Variants in GOLGB1 observed in about 807,000 individuals in gnomAD.
The protein encoded by GOLGB1 is golgin B1.
In GOLGB1, 174 loss-of-function variants were observed where a neutral mutation model predicts 336.9. The ratio of observed to expected loss-of-function variants is 0.52; its 90% confidence interval spans 0.46 to 0.59. The LOEUF (loss-of-function observed/expected upper bound fraction) is 0.59. GOLGB1 is among the 20% of genes least tolerant of loss of function. The pLI, the probability that GOLGB1 is intolerant of heterozygous loss-of-function variation, is 0.00. For synonymous variants in GOLGB1, 1,208 were observed against 1,289.2 expected (o/e 0.94, Z 1.35); for missense variants, 3,331 against 3,645.3 (o/e 0.91, Z 2.22).
chr3:121,692,131 A>C lies in GOLGB1; in HGVS notation c.7233T>G (p.His2411Gln). 1 of 1,613,208 alleles carries C rather than the reference A, an allele frequency of 6.2e-7. No homozygotes were observed. The highest frequency in any genetic ancestry group is 8.5e-7 in the Non-Finnish European group (1 of 1,179,592). ...QVAIAELRQQHDKEIKELENL... is the reference protein window; with the variant it reads ...QVAIAELRQQQDKEIKELENL... ...TTTCCAGCTCTTTAATTTCTTTATCATGTTGCTGACGCAGTTCAGCAATAG... is the reference window on the plus strand; with the variant it reads ...TTTCCAGCTCTTTAATTTCTTTATCCTGTTGCTGACGCAGTTCAGCAATAG... Residue 2411 changes from histidine (H) to glutamine (Q), a missense_variant, in exon 14 of 22, where the codon CAT becomes CAG. Coordinates refer to ENST00000614479, the MANE Select transcript of GOLGB1 (RefSeq NM_001366282.2).
At chr3:121,746,434 CT>C (rs759494342) in intron 1 of GOLGB1, among the ~76,000 whole-genome samples, 3 of 151,636 alleles carry the variant, frequency 2.0e-5, no homozygotes, top group Non-Finnish European at 4.4e-5. Flanking sequence ...ACATAACTTA[CT>C]TTTCGTTATT....
At chr3:121,674,202 C>T (rs1031582946) in intron 17 of GOLGB1, among the ~76,000 whole-genome samples, 4 of 151,722 alleles carry the variant, frequency 2.6e-5, no homozygotes, top group Admixed American at 1.3e-4. Flanking sequence ...GCAAAAAAGG[C>T]TAATTTGACC....
At position 121,697,337 on chromosome 3, in the gene GOLGB1, T is replaced by A. The variant is rs750135263; in HGVS notation, c.3186A>T (p.Glu1062Asp). 3 of 1,613,660 alleles carry A rather than the reference T, an allele frequency of 1.9e-6. No homozygotes were observed. In the Admixed American group the frequency reaches 5.0e-5, roughly 27 times the overall value. Reference sequence around the variant, plus strand: ...TTGTCTGTTTTAAATAAATTTCTATTTCTTGGCACTTAGAAGTCACACATT... The same window carrying A: ...TTGTCTGTTTTAAATAAATTTCTATATCTTGGCACTTAGAAGTCACACATT... ...SEKCVTSKCQ[E>D]IEIYLKQTIS... The change falls in exon 13 of 22, where the codon GAA (glutamate) becomes GAT (aspartate). Residue 1062 changes from glutamate (E) to aspartate (D), a missense_variant. Coordinates refer to ENST00000614479, the MANE Select transcript of GOLGB1 (RefSeq NM_001366282.2).
Position 121,691,646 on chromosome 3 carries a change from T to G in GOLGB1, c.7718A>C (p.Lys2573Thr). The change falls in exon 14 of 22, where the codon AAA becomes ACA. Residue 2573 changes from lysine to threonine, a missense_variant. Transcript: ENST00000614479. ...QLQQNKELEN[K>T]YAKLEEKLKE... ...CAGCTTTTCTTCTAATTTAGCATAT[T>G]TATTTTCCAGCTCCTTATTTTGCTG... The G allele has an allele frequency of 6.2e-7, 1 of 1,613,136 alleles. No individual in the cohort carries two copies. Among genetic ancestry groups the G allele is most frequent in the Non-Finnish European group, 8.5e-7 (1 of 1,179,790 alleles).
intron 1 of GOLGB1, among the ~76,000 whole-genome samples, chr3:121,745,559 T>C (rs1184041814): frequency 1.3e-5 from 2 of 151,896 alleles, no homozygotes; most frequent in Non-Finnish European, 2.9e-5. Flanking sequence ...TATGTATACG[T>C]GTATGTATAT....
At chr3:121,671,414 T>A (rs561336283) in intron 17 of GOLGB1, among the ~76,000 whole-genome samples, 3 of 152,182 alleles carry the variant, frequency 2.0e-5, no homozygotes, top group African/African-American at 4.8e-5. Flanking sequence ...ACTCCCAGTA[T>A]ACCAAAATTC....
chr3:121,699,943 G>T, intron 11 of GOLGB1, 58 bp from the exon 12 acceptor site: 1 of 956,664 alleles, frequency 1.0e-6, no homozygotes, highest in Non-Finnish European at 1.6e-6. Flanking sequence ...TGAAAAAACA[G>T]GATTGCATGT....
chr3:121,698,140 G>A lies in GOLGB1; in HGVS notation c.2383C>T (p.His795Tyr), dbSNP rs760520514. ...ATCTGTTCAGTGAGCAGGTTGTCAT[G>A]GGCAGTTTGGCTTTCATAATCAAGT... is the stretch of plus-strand genomic sequence containing the variant. ...RRLDYESQTAHDNLLTEQIHS... is the reference protein window; with the variant it reads ...RRLDYESQTAYDNLLTEQIHS... Residue 795 changes from histidine (H) to tyrosine (Y), a missense_variant, in exon 13 of 22, where the codon CAT (histidine) becomes TAT (tyrosine). Coordinates refer to ENST00000614479, the MANE Select transcript of GOLGB1 (RefSeq NM_001366282.2). The A allele has an allele frequency of 2.2e-5, 35 of 1,613,706 alleles. No individual in the cohort carries two copies. Among genetic ancestry groups the A allele is most frequent in the Non-Finnish European group, 3.0e-5 (35 of 1,179,878 alleles).
chr3:121,709,874 T>C (rs2108025500), intron 10 of GOLGB1, among the ~76,000 whole-genome samples: 1 of 152,042 alleles, frequency 6.6e-6, no homozygotes, highest in South Asian at 2.1e-4. Context: ...AGTGGTTCTT[T>C]GAAAAGATGG....
Position 121,699,797 on chromosome 3 carries a change from G to A in GOLGB1, c.1593+15C>T. On this transcript the variant is annotated intron_variant, in intron 12 of 21. Transcript: ENST00000614479. ...CTAGCTCATGTTCTGGTTATATTAA[G>A]AACACATCACTTACCTCACTGACTT... The A allele has an allele frequency of 6.7e-7, 1 of 1,496,308 alleles. No homozygotes were observed. The highest frequency in any genetic ancestry group is 9.3e-7 in the Non-Finnish European group (1 of 1,076,118). 92.7% of individuals were successfully genotyped at this position (1,496,308 alleles called of 1,614,324 possible).
intron 9 of GOLGB1, among the ~76,000 whole-genome samples, chr3:121,715,759 G>A (rs992028406): frequency 1.6e-4 from 24 of 151,936 alleles, no homozygotes; most frequent in African/African-American, 2.4e-4. Context: ...TTGGGATGCC[G>A]AGGCGGGCAG....
chr3:121,719,729 G>T lies in GOLGB1; in HGVS notation c.688C>A (p.Arg230Ser), dbSNP rs765145568. ...MQQVVREKDA[R>S]FETQVRLHED... The stretch of plus-strand genomic sequence containing the variant: ...TGAAGACGAACTTGTGTTTCAAAGC[G>T]GGCATCTTTCTCTCGGACCACCTGC... The change falls in exon 7 of 22, where the codon CGC (arginine) becomes AGC (serine). Residue 230 changes from arginine to serine, a missense_variant. Coordinates refer to ENST00000614479, the MANE Select transcript of GOLGB1 (RefSeq NM_001366282.2). The T allele has an allele frequency of 1.2e-6, 2 of 1,608,526 alleles. No individual in the cohort carries two copies. Among genetic ancestry groups the T allele is most frequent in the Middle Eastern group, 1.7e-4 (1 of 6,048 alleles).
In GOLGB1 at chr3:121,722,280, C is replaced by T. The variant is rs1490292910; in HGVS notation, c.630G>A (p.Gln210=). 6.2e-7 allele frequency: 1 copy of T among 1,606,648 alleles called. No homozygotes were observed. The highest frequency in any genetic ancestry group is 2.2e-5 in the East Asian group (1 of 44,818). ...TCCCTACCTGTGCAGCTTGCTCTGC[C>T]TGTGTCTGGCTGAGCTGGGCTTGTA... ...STLQAQLSQT[Q]AEQAAQLSSM... Residue 210 remains glutamine, a synonymous_variant, in exon 6 of 22, where the codon CAG becomes CAA. Transcript: ENST00000614479.
intron 1 of GOLGB1, among the ~76,000 whole-genome samples, chr3:121,740,495 G>A (rs780484413): frequency 1.3e-5 from 2 of 152,170 alleles, no homozygotes; most frequent in Non-Finnish European, 2.9e-5. Flanking sequence ...AACAACGTCT[G>A]GAGTTCAGTT....
chr3:121,719,102 G>A (rs1007806499), intron 7 of GOLGB1, among the ~76,000 whole-genome samples: 9 of 152,080 alleles, frequency 5.9e-5, no homozygotes, highest in Non-Finnish European at 1.0e-4. Flanking sequence ...CAAACATAAA[G>A]TATCACTGAA....
At chr3:121,669,139 G>T in intron 18 of GOLGB1, 73 bp downstream of exon 18, 2 of 1,449,696 alleles carry the variant, frequency 1.4e-6, no homozygotes, top group East Asian at 2.3e-5. Context: ...CTTCCATACT[G>T]CTCTGTAGTG....
chr3:121,733,952 T>C (rs996818477), intron 1 of GOLGB1, among the ~76,000 whole-genome samples: 1 of 152,104 alleles, frequency 6.6e-6, no homozygotes, highest in African/African-American at 2.4e-5. Context: ...GAAATAAACA[T>C]AGGAGAACAT....
chr3:121,691,193 A>G lies in GOLGB1; in HGVS notation c.8171T>C (p.Leu2724Ser). 6.2e-7 allele frequency: 1 copy of G among 1,613,622 alleles called. No homozygotes were observed. The highest frequency in any genetic ancestry group is 1.1e-5 in the South Asian group (1 of 90,922). The change falls in exon 14 of 22, where the codon TTA becomes TCA. Residue 2724 changes from leucine (L) to serine (S), a missense_variant. Transcript: ENST00000614479. Reference sequence around the variant, plus strand: ...TTTATTTTCTTTGGTGACCATGAGTAATTTCTGTTCCATCTCCACCAAATC... The same window carrying G: ...TTTATTTTCTTTGGTGACCATGAGTGATTTCTGTTCCATCTCCACCAAATC... ...ARDLVEMEQKLLMVTKENKGL... is the reference protein window; with the variant it reads ...ARDLVEMEQKSLMVTKENKGL...
intron 14 of GOLGB1, among the ~76,000 whole-genome samples, chr3:121,690,273 C>T (rs879367739): frequency 6.6e-6 from 1 of 152,138 alleles, no homozygotes; most frequent in Non-Finnish European, 1.5e-5. Context: ...AAACAAGACA[C>T]TAAATGATCC....
Sources: allele counts gnomAD v4.1 joint callset (sites outside exome capture counted in the v4.1 genomes callset), GRCh38; gene constraint gnomAD v4.1.1; transcripts MANE v1.5; gene names NCBI Gene and HGNC (gene_info 2026-07-23, HGNC 2026-07-21).